The following OPCML variants were observed in gnomAD, a reference collection of about 807,000 sequenced individuals.
The protein encoded by OPCML is opioid binding protein/cell adhesion molecule like.
Under a neutral mutation model 37.8 loss-of-function variants are expected in OPCML, and 13 were observed. The ratio of observed to expected loss-of-function variants is 0.34; its 90% confidence interval spans 0.22 to 0.55. The LOEUF is 0.55. Ranked by LOEUF, OPCML falls within the 20% of genes least tolerant of loss-of-function variation. The pLI, the probability that OPCML is intolerant of heterozygous loss-of-function variation, is 0.91. For synonymous variants in OPCML, 176 were observed against 168.8 expected, an observed-to-expected ratio of 1.04 and a Z score of -0.33; for missense variants, 341 against 435.6, an observed-to-expected ratio of 0.78 and a Z score of 1.93.
intron 3 of OPCML, among the ~76,000 whole-genome samples, chr11:132,584,455 C>A (rs1344773263): frequency 6.6e-6 from 1 of 151,980 alleles, no homozygotes; most frequent in Non-Finnish European, 1.5e-5. Flanking sequence ...ATTTCTTTTT[C>A]TTTTTTGATA....
At chr11:132,980,749 G>C (rs2878748) in intron 1 of OPCML, among the ~76,000 whole-genome samples, 101,147 of 152,148 alleles carry the variant, frequency 0.66, 34,265 homozygotes, top group African/African-American at 0.79. Flanking sequence ...CAGCCTCAAA[G>C]TCCATTTGGA....
chr11:133,118,548 A>G (rs1949372014), intron 1 of OPCML, among the ~76,000 whole-genome samples: 1 of 152,102 alleles, frequency 6.6e-6, no homozygotes, highest in African/African-American at 2.4e-5. Context: ...ATGGAAGTCA[A>G]GGGGGCTGAG....
intron 4 of OPCML, among the ~76,000 whole-genome samples, chr11:132,459,508 A>AAC (rs1435125480): frequency 6.9e-6 from 1 of 145,350 alleles, no homozygotes; most frequent in Non-Finnish European, 1.5e-5. Context: ...CTATATAGAG[A>AAC]ATATATATAT....
At chr11:132,942,307 G>A (rs1945604962) in intron 2 of OPCML, among the ~76,000 whole-genome samples, 1 of 152,180 alleles carries the variant, frequency 6.6e-6, no homozygotes, top group African/African-American at 2.4e-5. Context: ...ACACAGAAGT[G>A]ATGTTGTTGC....
chr11:132,517,553 G>A (rs1057254328), intron 4 of OPCML, among the ~76,000 whole-genome samples: 2 of 152,158 alleles, frequency 1.3e-5, no homozygotes, highest in Non-Finnish European at 2.9e-5. Flanking sequence ...TTGTTCAGCA[G>A]CAAGAGTCAC....
intron 3 of OPCML, among the ~76,000 whole-genome samples, chr11:132,601,431 G>C (rs2137779719): frequency 6.6e-6 from 1 of 152,238 alleles, no homozygotes; most frequent in South Asian, 2.1e-4. Context: ...GCTTTCCCTA[G>C]AAATGCACTC....
intron 4 of OPCML, among the ~76,000 whole-genome samples, chr11:132,471,094 A>T (rs1262159936): frequency 6.6e-6 from 1 of 152,232 alleles, no homozygotes; most frequent in East Asian, 1.9e-4. Flanking sequence ...TTAAATGAGC[A>T]TCAAAAAATG....
intron 1 of OPCML, among the ~76,000 whole-genome samples, chr11:133,161,985 C>CTTTTTTTT (rs553617547): frequency 0.01 from 861 of 85,476 alleles, 77 homozygotes; most frequent in South Asian, 0.024. Flanking sequence ...CAGTCTCTGT[C>CTTTTTTTT]TTTTTTTTTT....
At chr11:133,067,010 A>C (rs1260108714) in intron 1 of OPCML, 1 of 152,208 alleles carries the variant, frequency 6.6e-6, no homozygotes, top group Non-Finnish European at 1.5e-5. Context: ...TACCTGTGAA[A>C]GTTATCTAGA....
chr11:133,005,229 G>A, intron 1 of OPCML: 1 of 985,348 alleles, frequency 1.0e-6, no homozygotes, highest in Non-Finnish European at 1.2e-6. Context: ...CCTGGGGAGA[G>A]ACGATTTTAA....
chr11:132,644,759 A>G (rs568092735), intron 3 of OPCML, among the ~76,000 whole-genome samples: 10 of 152,316 alleles, frequency 6.6e-5, no homozygotes, highest in Non-Finnish European at 1.2e-4. Flanking sequence ...TAATGAACCA[A>G]TCCAAGAGAC....
At chr11:133,409,852 G>A (rs2136863384) in intron 1 of OPCML, among the ~76,000 whole-genome samples, 1 of 152,186 alleles carries the variant, frequency 6.6e-6, no homozygotes, top group East Asian at 1.9e-4. Flanking sequence ...AGTCCAGTCG[G>A]GGAGAGAGAC....
intron 4 of OPCML, among the ~76,000 whole-genome samples, chr11:132,474,809 G>A (rs1281132380): frequency 6.6e-6 from 1 of 152,206 alleles, no homozygotes; most frequent in Non-Finnish European, 1.5e-5. Context: ...CTGTGGGCCT[G>A]TCTTCCAAAG....
At chr11:132,537,843 G>T (rs1591522566) in intron 3 of OPCML, among the ~76,000 whole-genome samples, 1 of 152,088 alleles carries the variant, frequency 6.6e-6, no homozygotes, top group Admixed American at 6.6e-5. Context: ...CCAGAAAAAT[G>T]CAAATCAAAA....
intron 2 of OPCML, among the ~76,000 whole-genome samples, chr11:132,681,828 A>G (rs368035168): frequency 3.3e-5 from 5 of 151,872 alleles, no homozygotes; most frequent in East Asian, 1.9e-4. Flanking sequence ...GGTGGCGGGC[A>G]CCTGTATTCC....
intron 2 of OPCML, among the ~76,000 whole-genome samples, chr11:132,732,542 G>A (rs181882934): frequency 5.9e-5 from 9 of 152,290 alleles, no homozygotes; most frequent in Admixed American, 1.3e-4. Flanking sequence ...TCATCATCAT[G>A]AAACGGTAGT....
chr11:133,454,491 C>T (rs1276986565), intron 1 of OPCML, among the ~76,000 whole-genome samples: 1 of 152,112 alleles, frequency 6.6e-6, no homozygotes, highest in Non-Finnish European at 1.5e-5. Flanking sequence ...ATTTATTGAG[C>T]ATTGATTCTG....
chr11:132,884,918 T>C (rs1205716072), intron 2 of OPCML, among the ~76,000 whole-genome samples: 1 of 152,146 alleles, frequency 6.6e-6, no homozygotes, highest in Non-Finnish European at 1.5e-5. Context: ...ATAAAAGCCT[T>C]AGTTACATAG....
intron 2 of OPCML, among the ~76,000 whole-genome samples, chr11:132,691,179 A>G (rs778630979): frequency 6.6e-6 from 1 of 152,228 alleles, no homozygotes; most frequent in Non-Finnish European, 1.5e-5. Flanking sequence ...AGATTGCTTT[A>G]TATATTAGAT....
Sources: allele counts gnomAD v4.1 joint callset (sites outside exome capture counted in the v4.1 genomes callset), GRCh38; gene constraint gnomAD v4.1.1; transcripts MANE v1.5; gene names NCBI Gene and HGNC (gene_info 2026-07-23, HGNC 2026-07-21).